Variants in UTS2 observed in about 807,000 individuals in gnomAD.
UTS2 encodes urotensin-2.
In UTS2, 10 loss-of-function variants were observed where a neutral mutation model predicts 12.6. The observed-to-expected ratio is 0.80, with a 90% CI of 0.49 to 1.35. The LOEUF is 1.35. Among genes scored for constraint, UTS2 ranks in the 40% most tolerant of loss-of-function variants. The probability of loss-of-function intolerance (pLI) is 0.00; values close to 1 mark genes in which losing one functional copy is unlikely to be tolerated. For synonymous variants in UTS2, 52 were observed against 50.0 expected, an observed-to-expected ratio of 1.04 and a Z score of -0.17; for missense variants, 142 against 143.2, an observed-to-expected ratio of 0.99 and a Z score of 0.04.
upstream of UTS2, among the ~76,000 whole-genome samples, chr1:7,856,855 G>A (rs186407843): frequency 7.6e-4 from 116 of 152,224 alleles, no homozygotes; most frequent in African/African-American, 2.6e-3. Flanking sequence ...GAGGCCAGGC[G>A]TTTGAGACCA....
chr1:7,885,107 CCATT>C, the UTS2 span, among the ~76,000 whole-genome samples: 1 of 147,900 alleles, frequency 6.8e-6, no homozygotes, highest in African/African-American at 2.5e-5. Flanking sequence ...ATCCATGCAT[CCATT>C]CATCCATCCA....
At chr1:7,857,103 GGAAT>G (rs761087243), upstream of UTS2, among the ~76,000 whole-genome samples, 27 of 130,772 alleles carry the variant, frequency 2.1e-4, 1 homozygote, top group Non-Finnish European at 4.3e-4. Context: ...AGGAAGAAAA[GGAAT>G]GAAGGAAGGA....
chr1:7,868,622 G>T, the UTS2 span, among the ~76,000 whole-genome samples: 1 of 152,256 alleles, frequency 6.6e-6, no homozygotes, highest in African/African-American at 2.4e-5. Flanking sequence ...CTGTCGCCCT[G>T]TGTGGCAGTG....
At chr1:7,906,449 G>GAGAGAGAA in the UTS2 span, among the ~76,000 whole-genome samples, 53 of 73,276 alleles carry the variant, frequency 7.2e-4, no homozygotes, top group Middle Eastern at 6.0e-3. Flanking sequence ...GAAAGAAAAA[G>GAGAGAGAA]AGAAAGAAAG....
the UTS2 span, among the ~76,000 whole-genome samples, chr1:7,870,890 C>T: frequency 1.3e-5 from 2 of 152,166 alleles, no homozygotes; most frequent in Non-Finnish European, 1.5e-5. Flanking sequence ...CCATAAACCA[C>T]AGGTAACCAT....
the UTS2 span, among the ~76,000 whole-genome samples, chr1:7,892,831 G>C: frequency 2.0e-5 from 3 of 151,888 alleles, no homozygotes; most frequent in African/African-American, 7.3e-5. Flanking sequence ...ATTACACCAG[G>C]CCCACCCAGA....
At chr1:7,892,538 C>T in the UTS2 span, among the ~76,000 whole-genome samples, 25 of 133,360 alleles carry the variant, frequency 1.9e-4, no homozygotes, top group Admixed American at 3.6e-4. Context: ...AGTGCAGTGG[C>T]GCAATCTCAG....
At chr1:7,898,687 C>A in the UTS2 span, among the ~76,000 whole-genome samples, 1 of 152,020 alleles carries the variant, frequency 6.6e-6, no homozygotes, top group African/African-American at 2.4e-5. Flanking sequence ...CTGTGTTAGC[C>A]AGGATGGCCT....
chr1:7,897,791 T>G, the UTS2 span, among the ~76,000 whole-genome samples: 4 of 152,134 alleles, frequency 2.6e-5, no homozygotes, highest in Non-Finnish European at 5.9e-5. Context: ...TTCACCATGT[T>G]GGCCAGGCTG....
the UTS2 span, among the ~76,000 whole-genome samples, chr1:7,863,970 G>A: frequency 9.9e-5 from 15 of 152,200 alleles, no homozygotes; most frequent in Non-Finnish European, 1.6e-4. Context: ...CCCCGGGGGG[G>A]TCTGCCCGGG....
the UTS2 span, among the ~76,000 whole-genome samples, chr1:7,908,954 G>C: frequency 1.3e-5 from 2 of 151,658 alleles, no homozygotes; most frequent in South Asian, 4.2e-4. Flanking sequence ...CTACAGGTGC[G>C]TGCCACCACA....
At chr1:7,863,969 G>T in the UTS2 span, among the ~76,000 whole-genome samples, 1 of 152,208 alleles carries the variant, frequency 6.6e-6, no homozygotes, top group Non-Finnish European at 1.5e-5. Flanking sequence ...CCCCCGGGGG[G>T]GTCTGCCCGG....
At chr1:7,862,985 G>GTTGTGTTGTGTTGTGTTGTA in the UTS2 span, among the ~76,000 whole-genome samples, 1 of 73,790 alleles carries the variant, frequency 1.4e-5, no homozygotes, top group African/African-American at 8.4e-5. Context: ...TATTTATTGT[G>GTTGTGTTGTGTTGTGTTGTA]TTGTGTTGTA....
the UTS2 span, among the ~76,000 whole-genome samples, chr1:7,901,370 G>A: frequency 2.0e-5 from 3 of 152,164 alleles, no homozygotes; most frequent in African/African-American, 7.2e-5. Flanking sequence ...TGAAAGAGAG[G>A]AAAGAGTCAA....
the UTS2 span, among the ~76,000 whole-genome samples, chr1:7,904,473 T>C: frequency 6.7e-6 from 1 of 148,984 alleles, no homozygotes; most frequent in East Asian, 1.9e-4. Context: ...CAAGACTCCA[T>C]CTCGTAAAAA....
At chr1:7,855,176 A>G (rs925461042), upstream of UTS2, among the ~76,000 whole-genome samples, 2 of 152,106 alleles carry the variant, frequency 1.3e-5, no homozygotes, top group African/African-American at 4.8e-5. Flanking sequence ...CAAACAAACA[A>G]GTCATGATGT....
chr1:7,912,440 C>T, the UTS2 span, among the ~76,000 whole-genome samples: 1 of 137,506 alleles, frequency 7.3e-6, no homozygotes, highest in African/African-American at 2.6e-5. Context: ...CTTTATAACA[C>T]GCAAATCCCC....
At chr1:7,875,501 C>T in the UTS2 span, among the ~76,000 whole-genome samples, 1 of 152,202 alleles carries the variant, frequency 6.6e-6, no homozygotes, top group Non-Finnish European at 1.5e-5. Context: ...ACTCTACCCA[C>T]CACTGCCACC....
the UTS2 span, among the ~76,000 whole-genome samples, chr1:7,890,786 C>G: frequency 4.1e-3 from 598 of 144,642 alleles, 10 homozygotes; most frequent in African/African-American, 0.015. Context: ...GTCCCAGCTA[C>G]TCGAGAGGCT....
Sources: allele counts gnomAD v4.1 joint callset (sites outside exome capture counted in the v4.1 genomes callset), GRCh38; gene constraint gnomAD v4.1.1; transcripts MANE v1.5; gene names NCBI Gene and HGNC (gene_info 2026-07-23, HGNC 2026-07-21).